The following SHB variants were observed in gnomAD, a reference collection of about 807,000 sequenced individuals.
SHB encodes the protein SH2 domain containing adaptor protein B.
In SHB, 20 loss-of-function variants were observed where a neutral mutation model predicts 52.3. That is an observed-to-expected ratio of 0.38 (90% confidence interval 0.27 to 0.56). SHB has a LOEUF of 0.56. Among genes scored for constraint, SHB ranks in the 20% least tolerant of loss-of-function variants. The pLI, the probability that SHB is intolerant of heterozygous loss-of-function variation, is 0.71. For synonymous variants in SHB, 397 were observed against 316.5 expected, an observed-to-expected ratio of 1.25 and a Z score of -2.70; for missense variants, 825 against 723.3, an observed-to-expected ratio of 1.14 and a Z score of -1.61.
At chr9:37,946,263 A>C (rs1832490053) in intron 5 of SHB, among the ~76,000 whole-genome samples, 1 of 152,208 alleles carries the variant, frequency 6.6e-6, no homozygotes, top group Non-Finnish European at 1.5e-5. Context: ...TGAGGGCAGA[A>C]TCAACGTGTC....
intron 1 of SHB, among the ~76,000 whole-genome samples, chr9:38,060,764 C>T (rs939011036): frequency 2.0e-5 from 3 of 152,232 alleles, no homozygotes; most frequent in Admixed American, 2.0e-4. Context: ...AATCAAGGCC[C>T]TGCCCAGAAC....
intron 2 of SHB, among the ~76,000 whole-genome samples, chr9:38,009,775 G>A (rs1821115941): frequency 6.6e-6 from 1 of 152,254 alleles, no homozygotes; most frequent in Admixed American, 6.5e-5. Flanking sequence ...CAGAAGGCCA[G>A]TTGTAAGCAA....
At chr9:38,026,077 C>T (rs370591659) in intron 1 of SHB, among the ~76,000 whole-genome samples, 1 of 152,222 alleles carries the variant, frequency 6.6e-6, no homozygotes, top group Non-Finnish European at 1.5e-5. Flanking sequence ...ATCAGGAATG[C>T]CCGTGAGGCT....
intron 2 of SHB, among the ~76,000 whole-genome samples, chr9:37,983,341 G>T (rs1820762204): frequency 1.3e-5 from 2 of 152,210 alleles, no homozygotes; most frequent in Admixed American, 6.5e-5. Flanking sequence ...TGTACATGAG[G>T]TTGCTCGAGA....
At chr9:38,006,385 C>T (rs928804527) in intron 2 of SHB, among the ~76,000 whole-genome samples, 1 of 152,234 alleles carries the variant, frequency 6.6e-6, no homozygotes, top group African/African-American at 2.4e-5. Flanking sequence ...GCAAGGTTTC[C>T]ACACCCTGCC....
In SHB at chr9:37,974,760, G is replaced by GAAA. The variant is rs1467734063; in HGVS notation, c.915_916insTTT (p.Gly305_Gln306insPhe). Reference sequence around the variant, plus strand: ...CTCTCCGAGTCTGAGTCAACACTTTGGCCTTCAGGTTCGTAAGGGGTGTCA... The same window carrying GAAA: ...CTCTCCGAGTCTGAGTCAACACTTTGAAAGCCTTCAGGTTCGTAAGGGGTGTCA... On this transcript the variant is annotated inframe_insertion, in exon 3 of 6. Coordinates refer to ENST00000377707, the MANE Select transcript of SHB (RefSeq NM_003028.3). 2 of 1,614,088 alleles carry GAAA rather than the reference G, an allele frequency of 1.2e-6. No individual in the cohort carries two copies. The highest frequency in any genetic ancestry group is 1.7e-6 in the Non-Finnish European group (2 of 1,179,968).
intron 1 of SHB, among the ~76,000 whole-genome samples, chr9:38,066,513 A>T (rs1043909747): frequency 1.3e-5 from 2 of 152,118 alleles, no homozygotes; most frequent in African/African-American, 4.8e-5. Context: ...CCTCTCCCAA[A>T]GCAGCTCCTA....
intron 2 of SHB, among the ~76,000 whole-genome samples, chr9:37,987,740 G>A (rs1471262682): frequency 5.3e-5 from 8 of 152,190 alleles, no homozygotes; most frequent in Admixed American, 5.2e-4. Context: ...GAAAGCCTGG[G>A]GTGGTATCAC....
At chr9:37,948,325 A>C (rs7859715) in intron 5 of SHB, among the ~76,000 whole-genome samples, 18,433 of 151,892 alleles carry the variant, frequency 0.12, 1,104 homozygotes, top group African/African-American at 0.15. Flanking sequence ...GTGGGCTTTG[A>C]GAGCAGGATG....
intron 1 of SHB, among the ~76,000 whole-genome samples, chr9:38,019,669 G>A (rs533253088): frequency 6.6e-6 from 1 of 152,292 alleles, no homozygotes; most frequent in East Asian, 1.9e-4. Context: ...CACTTACAAG[G>A]GTAACTTTGG....
At chr9:38,006,046 G>A (rs1480764536) in intron 2 of SHB, among the ~76,000 whole-genome samples, 1 of 152,128 alleles carries the variant, frequency 6.6e-6, no homozygotes, top group African/African-American at 2.4e-5. Context: ...TCCTCCCCAG[G>A]AACCTCCCTT....
intron 1 of SHB, among the ~76,000 whole-genome samples, chr9:38,026,334 G>A (rs1016369223): frequency 9.2e-5 from 14 of 152,256 alleles, no homozygotes; most frequent in Non-Finnish European, 1.8e-4. Context: ...AGGCCTGGAG[G>A]AGCACGAGAT....
At chr9:38,006,249 C>T (rs1024500885) in intron 2 of SHB, among the ~76,000 whole-genome samples, 6 of 152,182 alleles carry the variant, frequency 3.9e-5, no homozygotes, top group Non-Finnish European at 7.3e-5. Context: ...GCTATAGCCT[C>T]GGAACCATAG....
At chr9:38,042,513 T>TC (rs528572942) in intron 1 of SHB, among the ~76,000 whole-genome samples, 25 of 152,302 alleles carry the variant, frequency 1.6e-4, no homozygotes, top group African/African-American at 5.5e-4. Context: ...TCTCTCTGCC[T>TC]CCTGGGGCAG....
chr9:37,978,137 TAC>T (rs1179838734), intron 2 of SHB, among the ~76,000 whole-genome samples: 3 of 152,212 alleles, frequency 2.0e-5, no homozygotes, highest in Admixed American at 6.5e-5. Flanking sequence ...GCCAAATGCA[TAC>T]AGTTTAGTGT....
intron 3 of SHB, among the ~76,000 whole-genome samples, chr9:37,969,795 C>G (rs1820570822): frequency 6.6e-6 from 1 of 152,250 alleles, no homozygotes; most frequent in Non-Finnish European, 1.5e-5. Context: ...GCACCACCCC[C>G]AGACACCATG....
intron 1 of SHB, among the ~76,000 whole-genome samples, chr9:38,060,200 T>C (rs1225652939): frequency 1.3e-5 from 2 of 152,108 alleles, no homozygotes; most frequent in Non-Finnish European, 2.9e-5. Flanking sequence ...TTTGAGATAG[T>C]GTCTCGCTTT....
Position 38,036,010 on chromosome 9 carries a change from C to T in SHB, c.718-19879G>A, listed in dbSNP as rs148819662. Among the ~76,000 whole-genome samples, 4 of 152,254 alleles carry T rather than the reference C, an allele frequency of 2.6e-5. No homozygotes were observed. The East Asian group carries it at 7.7e-4, about 29-fold the overall frequency. On this transcript the variant is annotated intron_variant, in intron 1 of 5. Coordinates refer to ENST00000377707, the MANE Select transcript of SHB (RefSeq NM_003028.3). ...ACCTCAGCATTATCCCCAGTGATTT[C>T]CCAAACCCAGCGAGGGGAAGTGACT...
intron 4 of SHB, among the ~76,000 whole-genome samples, chr9:37,950,255 T>G (rs569864774): frequency 5.9e-5 from 9 of 152,054 alleles, no homozygotes; most frequent in African/African-American, 2.2e-4. Flanking sequence ...CTTGTGTGTG[T>G]GTGTTTCCTT....
Sources: gnomAD v4.1 joint callset for allele counts (sites outside exome capture counted in the v4.1 genomes callset) on GRCh38, gnomAD v4.1.1 for gene constraint, MANE v1.5 for transcripts, NCBI Gene and HGNC (gene_info 2026-07-23, HGNC 2026-07-21) for gene names.